FSTL5: variants seen among roughly 807,000 people sequenced by gnomAD.
FSTL5 encodes follistatin-related protein 5.
In FSTL5, 62 loss-of-function variants were observed where a neutral mutation model predicts 89.1. That is an observed-to-expected ratio of 0.70 (90% confidence interval 0.57 to 0.86). The LOEUF (loss-of-function observed/expected upper bound fraction) is 0.86, where lower values mean the gene tolerates loss of function less well. Among genes scored for constraint, FSTL5 ranks in the 40% least tolerant of loss-of-function variants. FSTL5 has a pLI of 0.00. For synonymous variants in FSTL5, 383 were observed against 346.2 expected (o/e 1.11, Z -1.18); for missense variants, 1,057 against 1,001.6 (o/e 1.06, Z -0.75).
intron 1 of FSTL5, among the ~76,000 whole-genome samples, chr4:162,148,535 T>C (rs1249784411): frequency 6.6e-6 from 1 of 152,156 alleles, no homozygotes; most frequent in Non-Finnish European, 1.5e-5. Flanking sequence ...TAAAAACACC[T>C]ATTAATTTAA....
intron 4 of FSTL5, among the ~76,000 whole-genome samples, chr4:161,813,576 C>T (rs371569621): frequency 1.3e-5 from 2 of 152,156 alleles, no homozygotes; most frequent in South Asian, 2.1e-4. Flanking sequence ...TGACATTTCT[C>T]GTTTACACAC....
chr4:161,438,158 G>A (rs943819364), intron 15 of FSTL5, among the ~76,000 whole-genome samples: 9 of 152,136 alleles, frequency 5.9e-5, no homozygotes, highest in African/African-American at 1.2e-4. Flanking sequence ...AGGCAGGAAG[G>A]GTGAAGAAAT....
intron 6 of FSTL5, 124 bp from the exon 7 acceptor site, chr4:161,656,618 G>T: frequency 1.9e-6 from 1 of 522,570 alleles, no homozygotes; most frequent in Non-Finnish European, 3.0e-6. Flanking sequence ...AGCTTGTGAT[G>T]AAATGAAAAA....
chr4:161,476,103 A>T (rs1362200474), intron 13 of FSTL5, among the ~76,000 whole-genome samples: 1 of 137,938 alleles, frequency 7.2e-6, no homozygotes, highest in Non-Finnish European at 1.6e-5. Context: ...TTTTTTGAAG[A>T]CTAAGCATTC....
At chr4:161,499,030 C>T (rs897863813) in intron 12 of FSTL5, among the ~76,000 whole-genome samples, 2 of 151,904 alleles carry the variant, frequency 1.3e-5, no homozygotes, top group African/African-American at 2.4e-5. Context: ...GAAACCACCA[C>T]GTCTCTATGA....
chr4:161,576,076 C>G (rs1733197883), intron 8 of FSTL5, among the ~76,000 whole-genome samples: 2 of 151,992 alleles, frequency 1.3e-5, no homozygotes, highest in Non-Finnish European at 2.9e-5. Context: ...ACAATTGCTA[C>G]AAAAAGAATA....
intron 6 of FSTL5, among the ~76,000 whole-genome samples, chr4:161,723,339 G>T (rs1489249128): frequency 6.6e-6 from 1 of 151,740 alleles, no homozygotes; most frequent in Non-Finnish European, 1.5e-5. Context: ...TATTACCCTT[G>T]GTTAAAAAAA....
chr4:161,404,233 T>C (rs575912012), intron 15 of FSTL5, among the ~76,000 whole-genome samples: 2 of 152,172 alleles, frequency 1.3e-5, no homozygotes, highest in Non-Finnish European at 2.9e-5. Context: ...AGGCAAATGA[T>C]GAAGCTACTG....
At chr4:161,992,663 C>G (rs541877519) in intron 3 of FSTL5, among the ~76,000 whole-genome samples, 1 of 150,464 alleles carries the variant, frequency 6.6e-6, no homozygotes, top group East Asian at 2.0e-4. Flanking sequence ...ATCAACATGG[C>G]GAAACCCCAT....
In FSTL5 at chr4:161,902,447, G is replaced by T. The variant is rs6536626; in HGVS notation, c.409+17957C>A. On this transcript the variant is annotated intron_variant, in intron 4 of 15. Transcript: ENST00000306100. ...ACACATTTAATAATAAAAGAAATAG[G>T]GCTAACCTTGAATAAATCAGTGATT... 3.5e-3 allele frequency among the ~76,000 whole-genome samples: 535 copies of T among 152,102 alleles called. 6 individuals are homozygous for T. Among genetic ancestry groups the T allele is most frequent in the African/African-American group, 0.012 (500 of 41,488 alleles).
At chr4:161,677,000 T>C (rs546226208) in intron 6 of FSTL5, among the ~76,000 whole-genome samples, 39 of 152,024 alleles carry the variant, frequency 2.6e-4, no homozygotes, top group Non-Finnish European at 4.9e-4. Flanking sequence ...AAAATAACAA[T>C]ATATTTTTAC....
At chr4:161,538,627 T>G (rs1731714876) in intron 9 of FSTL5, among the ~76,000 whole-genome samples, 1 of 152,204 alleles carries the variant, frequency 6.6e-6, no homozygotes, top group Admixed American at 6.5e-5. Context: ...ATTCAGAACC[T>G]ACATTCCCCT....
chr4:161,611,968 G>C (rs1578965838), intron 7 of FSTL5, among the ~76,000 whole-genome samples: 1 of 104,258 alleles, frequency 9.6e-6, no homozygotes, highest in South Asian at 2.9e-4. Flanking sequence ...AGTGAAGAGG[G>C]TCAAGGCCAA....
intron 4 of FSTL5, among the ~76,000 whole-genome samples, chr4:161,811,212 G>A (rs11733889): frequency 0.74 from 112,954 of 152,026 alleles, 41,979 homozygotes; most frequent in Admixed American, 0.77. Flanking sequence ...AAAACAAAAC[G>A]AAAAAATCAA....
chr4:161,598,005 A>G (rs1040533226), intron 7 of FSTL5, among the ~76,000 whole-genome samples: 1 of 152,208 alleles, frequency 6.6e-6, no homozygotes, highest in Non-Finnish European at 1.5e-5. Context: ...AAACATGAAT[A>G]GAACTCAATA....
At chr4:161,749,904 G>A (rs1031427919) in intron 6 of FSTL5, among the ~76,000 whole-genome samples, 1 of 151,904 alleles carries the variant, frequency 6.6e-6, no homozygotes, top group Non-Finnish European at 1.5e-5. Context: ...TTACTTATTT[G>A]GTAAAATCTT....
chr4:161,771,429 A>G (rs1266090825), intron 5 of FSTL5, among the ~76,000 whole-genome samples: 2 of 152,096 alleles, frequency 1.3e-5, no homozygotes, highest in African/African-American at 4.8e-5. Context: ...AGAAACTAAG[A>G]CACAGAAGCT....
At chr4:162,015,657 T>A (rs1736895595) in intron 3 of FSTL5, among the ~76,000 whole-genome samples, 1 of 152,208 alleles carries the variant, frequency 6.6e-6, no homozygotes, top group South Asian at 2.1e-4. Flanking sequence ...TACAGTTTTG[T>A]TAAAAATGTC....
chr4:161,793,132 C>G (rs931940077), intron 4 of FSTL5, among the ~76,000 whole-genome samples: 2 of 152,232 alleles, frequency 1.3e-5, no homozygotes, highest in Non-Finnish European at 2.9e-5. Flanking sequence ...ATGGAGCCGG[C>G]AACTGGACCA....
Sources: allele counts gnomAD v4.1 joint callset (sites outside exome capture counted in the v4.1 genomes callset), GRCh38; gene constraint gnomAD v4.1.1; transcripts MANE v1.5; gene names NCBI Gene and HGNC (gene_info 2026-07-23, HGNC 2026-07-21).